HTT: variants seen among roughly 807,000 people sequenced by gnomAD.
HTT encodes huntingtin.
In HTT, 104 loss-of-function variants were observed where a neutral mutation model predicts 362.3. The ratio of observed to expected loss-of-function variants is 0.29; its 90% CI spans 0.24 to 0.34. The LOEUF (loss-of-function observed/expected upper bound fraction) is 0.34. Ranked by LOEUF, HTT falls within the 10% of genes least tolerant of loss-of-function variation. The pLI is 1.00. For synonymous variants in HTT, 1,577 were observed against 1,548.7 expected, an observed-to-expected ratio of 1.02 and a Z score of -0.43; for missense variants, 3,301 against 3,928.6, an observed-to-expected ratio of 0.84 and a Z score of 4.27.
At chr4:3,148,827 C>A (rs1388217710) in intron 26 of HTT, among the ~76,000 whole-genome samples, 4 of 151,192 alleles carry the variant, frequency 2.6e-5, no homozygotes, top group African/African-American at 9.7e-5. Context: ...CATGGTGGTG[C>A]GTGCCTGTAA....
chr4:3,086,132 C>A (rs1713195942), intron 1 of HTT, among the ~76,000 whole-genome samples: 1 of 152,142 alleles, frequency 6.6e-6, no homozygotes, highest in African/African-American at 2.4e-5. Context: ...GTAATCTATG[C>A]CATCATCTTC....
intron 51 of HTT, 41 bp downstream of exon 51, chr4:3,215,252 C>A (rs761457431): frequency 6.8e-7 from 1 of 1,478,868 alleles, no homozygotes; most frequent in South Asian, 1.1e-5. Flanking sequence ...TGTTGTTCCT[C>A]CAGGACTTAA....
intron 29 of HTT, among the ~76,000 whole-genome samples, chr4:3,164,315 T>C (rs1717593148): frequency 6.6e-6 from 1 of 152,232 alleles, no homozygotes; most frequent in African/African-American, 2.4e-5. Flanking sequence ...TTCTGTTCTT[T>C]TACATTTGCT....
intron 64 of HTT, among the ~76,000 whole-genome samples, chr4:3,236,693 C>T (rs138135978): frequency 1.1e-4 from 16 of 152,252 alleles, no homozygotes; most frequent in East Asian, 3.9e-4. Context: ...TGAGGAGCAG[C>T]GGCAGGAGGA....
At chr4:3,099,836 G>A (rs1714061676) in intron 3 of HTT, among the ~76,000 whole-genome samples, 2 of 146,932 alleles carry the variant, frequency 1.4e-5, no homozygotes, top group South Asian at 4.3e-4. Context: ...TCTATTGTAT[G>A]GTTTGGAAGT....
intron 8 of HTT, among the ~76,000 whole-genome samples, chr4:3,117,543 T>C (rs1036075935): frequency 3.3e-5 from 5 of 152,202 alleles, no homozygotes; most frequent in African/African-American, 7.2e-5. Flanking sequence ...TAAAACTTTA[T>C]TTTTAAAATG....
intron 19 of HTT, among the ~76,000 whole-genome samples, chr4:3,134,775 G>A (rs1023872465): frequency 4.6e-5 from 7 of 152,088 alleles, no homozygotes; most frequent in Non-Finnish European, 1.0e-4. Context: ...TGTCGCCCAG[G>A]CTTGAATGCA....
At chr4:3,125,656 G>A in intron 11 of HTT, 27 bp downstream of exon 11, 1 of 1,520,136 alleles carries the variant, frequency 6.6e-7, no homozygotes, top group Non-Finnish European at 9.1e-7. Flanking sequence ...AGCCGCTGGT[G>A]TGGACCTTCA....
intron 51 of HTT, among the ~76,000 whole-genome samples, chr4:3,216,886 G>C (rs1302347590): frequency 1.3e-5 from 2 of 151,286 alleles, no homozygotes; most frequent in Admixed American, 6.6e-5. Context: ...TTAGCCGGGC[G>C]TAGTGGCGGG....
At chr4:3,186,841 T>G in intron 38 of HTT, 122 bp downstream of exon 38, 3 of 348,206 alleles carry the variant, frequency 8.6e-6, no homozygotes, top group South Asian at 8.4e-5. Context: ...GAGTTTGCTT[T>G]TTTTTTTTTT....
At chr4:3,117,125 C>T (rs898865108) in intron 8 of HTT, among the ~76,000 whole-genome samples, 7 of 152,174 alleles carry the variant, frequency 4.6e-5, no homozygotes, top group Admixed American at 6.5e-5. Flanking sequence ...TGATAAACAG[C>T]TGAGCAAAAG....
Position 3,199,773 on chromosome 4 carries a change from C to T in HTT, c.5410C>T (p.Arg1804Cys), listed in dbSNP as rs771490920. 15 of 1,614,060 alleles carry T rather than the reference C, an allele frequency of 9.3e-6. No homozygotes were observed. Among genetic ancestry groups the T allele is most frequent in the South Asian group, 4.4e-5 (4 of 91,086 alleles). The change falls in exon 41 of 67, where the codon CGC becomes TGC. Residue 1804 changes from arginine (R) to cysteine (C), a missense_variant. Transcript: ENST00000355072. ...RITAAATRLF[R>C]SDGCGGSFYT... ...CACAGCAGCTGCCACTAGGCTGTTCCGCAGTGATGGCTGTGGCGGCAGTTT... is the reference window on the plus strand; with the variant it reads ...CACAGCAGCTGCCACTAGGCTGTTCTGCAGTGATGGCTGTGGCGGCAGTTT...
At position 3,215,097 on chromosome 4, in the gene HTT, G is replaced by A; in HGVS notation, c.6953-13G>A. 2 of 1,596,046 alleles carry A rather than the reference G, an allele frequency of 1.3e-6. No homozygotes were observed. The highest frequency in any genetic ancestry group is 1.7e-6 in the Non-Finnish European group (2 of 1,164,024). On this transcript the variant is annotated splice_polypyrimidine_tract_variant and intron_variant, in intron 50 of 66. Transcript: ENST00000355072. ...GTGTAGAAATTCTTCTCTTTGTTCT[G>A]TTGTAATTTTAGTTGCAGTGCAGCC...
chr4:3,095,704 T>G (rs937783549), intron 2 of HTT, among the ~76,000 whole-genome samples: 5 of 152,102 alleles, frequency 3.3e-5, no homozygotes, highest in African/African-American at 1.2e-4. Context: ...AATGGTGTAA[T>G]AAGGTAGATT....
At chr4:3,157,811 A>G (rs1236039547) in intron 28 of HTT, among the ~76,000 whole-genome samples, 3 of 151,818 alleles carry the variant, frequency 2.0e-5, no homozygotes, top group African/African-American at 4.8e-5. Context: ...TTTGTTAGAT[A>G]TGAAGTATGT....
intron 1 of HTT, among the ~76,000 whole-genome samples, chr4:3,075,647 C>CCGGGGGGGGGGGGGG (rs1560535774): frequency 1.6e-5 from 1 of 61,682 alleles, no homozygotes; most frequent in African/African-American, 9.1e-5. Context: ...AGTGGCGGGG[C>CCGGGGGGGGGGGGGG]AGGGGGGGGG....
intron 10 of HTT, chr4:3,123,479 T>A (rs1426538326): frequency 1.3e-5 from 2 of 152,224 alleles, no homozygotes; most frequent in African/African-American, 4.8e-5. Context: ...AGTAGCTTCT[T>A]TTCCAGCCTG....
At chr4:3,138,310 G>C (rs900007385) in intron 21 of HTT, among the ~76,000 whole-genome samples, 3 of 151,934 alleles carry the variant, frequency 2.0e-5, no homozygotes, top group African/African-American at 7.3e-5. Context: ...TGGTTACATG[G>C]TGAAGTCTGA....
Position 3,228,573 on chromosome 4 carries a change from A to C in HTT, c.7849-42A>C, listed in dbSNP as rs1171098863. 2 of 1,516,448 alleles carry C rather than the reference A, an allele frequency of 1.3e-6. No homozygotes were observed. The highest frequency in any genetic ancestry group is 1.8e-6 in the Non-Finnish European group (2 of 1,132,332). The allele number at this position is 1,516,448 out of a possible 1,614,324, so 93.9% of individuals were successfully genotyped here. The stretch of plus-strand genomic sequence containing the variant: ...CACACCCACCCACCAGGAGCCTGGC[A>C]CTGTGGCCGCAGCACTGAGCAGTGC... On this transcript the variant is annotated intron_variant, in intron 57 of 66. Coordinates refer to ENST00000355072, the MANE Select transcript of HTT (RefSeq NM_001388492.1). The surrounding 1 kb of genome is among the most constrained non-coding windows in gnomAD (Gnocchi z 4.3).
Sources: allele counts gnomAD v4.1 joint callset (sites outside exome capture counted in the v4.1 genomes callset), GRCh38; gene constraint gnomAD v4.1.1; non-coding constraint Gnocchi (gnomAD v3.1); transcripts MANE v1.5; gene names NCBI Gene and HGNC (gene_info 2026-07-23, HGNC 2026-07-21).